ZNF521: variants seen among roughly 807,000 people sequenced by gnomAD.
The protein encoded by ZNF521 is zinc finger protein 521, also known as LYST-interacting protein 3.
A neutral mutation model predicts 105.5 loss-of-function variants in ZNF521; 14 were observed. That is an observed-to-expected ratio of 0.13 (90% CI 0.09 to 0.21). The LOEUF (loss-of-function observed/expected upper bound fraction) is 0.21, where lower values mean the gene tolerates loss of function less well. Among genes scored for constraint, ZNF521 ranks in the 10% least tolerant of loss-of-function variants. The probability of loss-of-function intolerance (pLI) is 1.00; values close to 1 mark genes in which losing one functional copy is unlikely to be tolerated. For synonymous variants in ZNF521, 635 were observed against 606.0 expected (o/e 1.05, Z -0.70); for missense variants, 1,233 against 1,629.7 (o/e 0.76, Z 4.19).
intron 2 of ZNF521, among the ~76,000 whole-genome samples, chr18:25,347,776 A>G (rs921871489): frequency 1.5e-4 from 23 of 152,182 alleles, no homozygotes; most frequent in Non-Finnish European, 3.1e-4. Context: ...CTCCAAACCT[A>G]ACTGACATTG....
chr18:25,145,270 CCT>C (rs1485984154), intron 5 of ZNF521, among the ~76,000 whole-genome samples: 3 of 152,122 alleles, frequency 2.0e-5, no homozygotes, highest in Admixed American at 6.6e-5. Context: ...CATTTCTCCC[CCT>C]CTTTATTGAC....
chr18:25,062,506 A>T lies in ZNF521; in HGVS notation c.*206T>A. 1.7e-6 allele frequency: 1 copy of T among 601,874 alleles called. No homozygotes were observed. Among genetic ancestry groups the T allele is most frequent in the African/African-American group, 1.9e-5 (1 of 51,450 alleles). 37.3% of individuals were successfully genotyped at this position (601,874 alleles called of 1,614,324 possible). On this transcript the variant is annotated 3_prime_UTR_variant, in exon 8 of 8. Coordinates refer to ENST00000361524, the MANE Select transcript of ZNF521 (RefSeq NM_015461.3). ...ATTTTAGTATCAGACGACATAATAC[A>T]TGTGCAACACTTTATATACAAGGGG...
chr18:25,349,530 GAAGA>G (rs1459661665), intron 2 of ZNF521, among the ~76,000 whole-genome samples: 3 of 152,304 alleles, frequency 2.0e-5, no homozygotes, highest in East Asian at 1.9e-4. Context: ...CTTCCCAGGA[GAAGA>G]AAGAAAGGGC....
At chr18:25,077,048 C>T (rs2033378369) in intron 7 of ZNF521, among the ~76,000 whole-genome samples, 2 of 152,204 alleles carry the variant, frequency 1.3e-5, no homozygotes, top group African/African-American at 2.4e-5. Flanking sequence ...TAATAAGAGT[C>T]AGTGTATTGT....
chr18:25,270,293 C>T (rs1909564007), intron 3 of ZNF521, among the ~76,000 whole-genome samples: 1 of 151,958 alleles, frequency 6.6e-6, no homozygotes, highest in Non-Finnish European at 1.5e-5. Context: ...AATAGCCTAC[C>T]AACCAAAAAA....
intron 3 of ZNF521, among the ~76,000 whole-genome samples, chr18:25,261,398 C>T (rs1908894921): frequency 6.6e-6 from 1 of 152,096 alleles, no homozygotes; most frequent in South Asian, 2.1e-4. Context: ...CAATTTTATG[C>T]TATTTGCCAT....
intron 5 of ZNF521, among the ~76,000 whole-genome samples, chr18:25,117,933 A>G (rs1318150908): frequency 6.6e-6 from 1 of 152,120 alleles, no homozygotes; most frequent in Non-Finnish European, 1.5e-5. Flanking sequence ...CCACATAAGC[A>G]TATCCTAGTC....
At chr18:25,275,985 C>T (rs962814666) in intron 3 of ZNF521, among the ~76,000 whole-genome samples, 2 of 152,134 alleles carry the variant, frequency 1.3e-5, no homozygotes, top group African/African-American at 4.8e-5. Context: ...CAATCGGCCA[C>T]CGGCACCATG....
intron 3 of ZNF521, among the ~76,000 whole-genome samples, chr18:25,242,488 T>C (rs1391051556): frequency 6.6e-6 from 1 of 152,186 alleles, no homozygotes; most frequent in Non-Finnish European, 1.5e-5. Flanking sequence ...ATTTGCTACA[T>C]CCTATATATT....
chr18:25,149,918 C>A (rs1344401782), intron 5 of ZNF521, among the ~76,000 whole-genome samples: 2 of 152,104 alleles, frequency 1.3e-5, no homozygotes, highest in Non-Finnish European at 2.9e-5. Context: ...GAGAACCACC[C>A]CTCTACAGAC....
chr18:25,092,515 G>T (rs2033767402), intron 5 of ZNF521, among the ~76,000 whole-genome samples: 2 of 152,118 alleles, frequency 1.3e-5, no homozygotes, highest in South Asian at 4.1e-4. Context: ...GGTCTTCAGT[G>T]GTATTCAGTT....
At chr18:25,137,697 C>G (rs968648380) in intron 5 of ZNF521, among the ~76,000 whole-genome samples, 1 of 152,100 alleles carries the variant, frequency 6.6e-6, no homozygotes, top group Admixed American at 6.6e-5. Flanking sequence ...TGCACACACA[C>G]TTCCTAAATC....
At chr18:25,097,774 C>T (rs1365586645) in intron 5 of ZNF521, among the ~76,000 whole-genome samples, 1 of 152,200 alleles carries the variant, frequency 6.6e-6, no homozygotes, top group Non-Finnish European at 1.5e-5. Context: ...AGGAGATCTA[C>T]AGGTGCAAGC....
At chr18:25,229,497 A>C (rs1053850582) in intron 3 of ZNF521, among the ~76,000 whole-genome samples, 1 of 152,194 alleles carries the variant, frequency 6.6e-6, no homozygotes, top group African/African-American at 2.4e-5. Flanking sequence ...TGAATACACC[A>C]GGAACATATG....
intron 3 of ZNF521, among the ~76,000 whole-genome samples, chr18:25,250,074 G>C (rs527728465): frequency 2.8e-4 from 42 of 152,224 alleles, no homozygotes; most frequent in African/African-American, 9.6e-4. Context: ...GAGTAGCTGG[G>C]ACTACAGGTG....
rs36175281 is a variant in ZNF521, at chr18:25,139,372, C to CAAA, written c.3659-47294_3659-47292dup. 5.1e-4 allele frequency among the ~76,000 whole-genome samples: 26 copies of CAAA among 51,388 alleles called. 3 individuals carry two copies. The highest frequency in any genetic ancestry group is 1.7e-3 in the East Asian group (2 of 1,196). 33.7% of individuals were successfully genotyped at this position (51,388 alleles called of 152,430 possible). On this transcript the variant is annotated intron_variant, in intron 5 of 7. Transcript: ENST00000361524. The stretch of plus-strand genomic sequence containing the variant: ...TGGGCGACAGAGCAAGACTCTGTCT[C>CAAA]AAAAAAAAAAAAAAAAAAAAAAAAA...
intron 5 of ZNF521, among the ~76,000 whole-genome samples, chr18:25,119,724 C>G (rs2144341768): frequency 6.6e-6 from 1 of 151,724 alleles, no homozygotes. Flanking sequence ...GTATTAGAAA[C>G]ATAAAATTGT....
chr18:25,225,864 A>T lies in ZNF521; in HGVS notation c.2054T>A (p.Ile685Asn), dbSNP rs144408615. ...NQESLLKHVT[I>N]HFMITSTYYI... ...ATACGTTGAAGTGATCATAAAGTGA[A>T]TGGTAACATGCTTCAGCAAGGATTC... The change falls in exon 4 of 8, where the codon ATT (isoleucine) becomes AAT (asparagine). Residue 685 changes from isoleucine to asparagine, a missense_variant. By Grantham distance (149) the Ile-to-Asn change is moderately radical. Coordinates refer to ENST00000361524, the MANE Select transcript of ZNF521 (RefSeq NM_015461.3). The surrounding 1 kb of genome is among the most constrained non-coding windows in gnomAD (Gnocchi z 5.6). 2 of 1,614,108 alleles carry T rather than the reference A, an allele frequency of 1.2e-6. No individual in the cohort carries two copies. Among genetic ancestry groups the T allele is most frequent in the Non-Finnish European group, 1.7e-6 (2 of 1,180,050 alleles).
chr18:25,163,512 T>TGCAGA (rs1228193461), intron 5 of ZNF521, among the ~76,000 whole-genome samples: 2 of 152,198 alleles, frequency 1.3e-5, no homozygotes, highest in Admixed American at 6.5e-5. Context: ...GTGTGAGGGC[T>TGCAGA]GCAGAGCAGA....
Sources: gnomAD v4.1 joint callset for allele counts (sites outside exome capture counted in the v4.1 genomes callset) on GRCh38, gnomAD v4.1.1 for gene constraint, Gnocchi (gnomAD v3.1) non-coding constraint, MANE v1.5 for transcripts, NCBI Gene and HGNC (gene_info 2026-07-23, HGNC 2026-07-21) for gene names.